Variants in ACYP2 observed in about 807,000 individuals in gnomAD.
ACYP2 encodes the protein acylphosphatase 2.
A neutral mutation model predicts 11.2 loss-of-function variants in ACYP2; 12 were observed. The observed-to-expected ratio is 1.08, with a 90% CI of 0.69 to 1.74. The LOEUF (loss-of-function observed/expected upper bound fraction) is 1.74. Ranked by LOEUF, ACYP2 falls within the 40% of genes most tolerant of loss-of-function variation. The pLI, the probability that ACYP2 is intolerant of heterozygous loss-of-function variation, is 0.00. For synonymous variants in ACYP2, 43 were observed against 32.2 expected, an observed-to-expected ratio of 1.33 and a Z score of -1.13; for missense variants, 134 against 101.9, an observed-to-expected ratio of 1.31 and a Z score of -1.35.
chr2:54,016,781 A>G (rs2112122), intron 2 of ACYP2, among the ~76,000 whole-genome samples: 67,563 of 146,686 alleles, frequency 0.46, 15,577 homozygotes, highest in South Asian at 0.55. Context: ...GCTGGAGTGC[A>G]GTGGCACGAT....
At chr2:54,096,821 T>C (rs1678616920) in intron 4 of ACYP2, among the ~76,000 whole-genome samples, 1 of 63,098 alleles carries the variant, frequency 1.6e-5, no homozygotes, top group South Asian at 1.1e-3. Context: ...AGGGAGACCG[T>C]GGAAAGAGAG....
chr2:53,973,386 G>T (rs1432701418), intron 1 of ACYP2, among the ~76,000 whole-genome samples: 3 of 152,148 alleles, frequency 2.0e-5, no homozygotes, highest in Non-Finnish European at 4.4e-5. Flanking sequence ...CCAGTGACCT[G>T]CATGTATACA....
intron 6 of ACYP2, among the ~76,000 whole-genome samples, chr2:54,273,162 G>C (rs775063598): frequency 3.3e-5 from 5 of 152,150 alleles, no homozygotes; most frequent in Non-Finnish European, 5.9e-5. Flanking sequence ...AATAAATAGA[G>C]TCTGTCCAAA....
intron 1 of ACYP2, among the ~76,000 whole-genome samples, chr2:53,972,604 C>G (rs963763045): frequency 1.3e-5 from 2 of 150,440 alleles, no homozygotes; most frequent in African/African-American, 4.9e-5. Context: ...GAGACTCCGT[C>G]TCAAAAAAAA....
At chr2:54,276,796 T>C (rs913495386) in intron 6 of ACYP2, among the ~76,000 whole-genome samples, 1 of 152,180 alleles carries the variant, frequency 6.6e-6, no homozygotes, top group Non-Finnish European at 1.5e-5. Context: ...AAGCCATTCT[T>C]ATTTCACGGG....
At chr2:54,193,961 A>G (rs1684344147) in intron 6 of ACYP2, among the ~76,000 whole-genome samples, 1 of 152,230 alleles carries the variant, frequency 6.6e-6, no homozygotes. Context: ...TGCTGTGCTT[A>G]AAATATTAAA....
intron 4 of ACYP2, among the ~76,000 whole-genome samples, chr2:54,130,249 C>T (rs1680821267): frequency 6.6e-6 from 1 of 151,906 alleles, no homozygotes; most frequent in South Asian, 2.1e-4. Context: ...TGGGAAGGAG[C>T]CAGTAATGAG....
Position 54,009,152 on chromosome 2 carries a change from C to CA in ACYP2, c.62+35356dup, listed in dbSNP as rs879319275. On this transcript the variant is annotated intron_variant, in intron 2 of 6. Coordinates refer to ENST00000607452, the MANE Select transcript of ACYP2 (RefSeq NM_001320586.2). ...TGGGCAACAGAGCAAGACTCCATCT[C>CA]AAAAAAAAAAAAAATTCAGACAGCA... Among the ~76,000 whole-genome samples the CA allele has an allele frequency of 4.8e-3, 627 of 130,266 alleles. 2 individuals are homozygous for CA. Among genetic ancestry groups the CA allele is most frequent in the African/African-American group, 5.3e-3 (178 of 33,642 alleles). 85.5% of individuals were successfully genotyped at this position (130,266 alleles called of 152,430 possible).
intron 6 of ACYP2, among the ~76,000 whole-genome samples, chr2:54,213,596 G>T (rs1007277965): frequency 3.3e-5 from 5 of 152,058 alleles, no homozygotes; most frequent in African/African-American, 1.2e-4. Context: ...GTTATTTTTT[G>T]ACTTTTTAAT....
At chr2:54,125,421 A>T (rs1168347798) in intron 4 of ACYP2, among the ~76,000 whole-genome samples, 3 of 152,000 alleles carry the variant, frequency 2.0e-5, no homozygotes, top group African/African-American at 7.3e-5. Context: ...TCCCAAAAAT[A>T]TAATCTGGAA....
At chr2:54,108,185 C>T (rs910774885) in intron 4 of ACYP2, among the ~76,000 whole-genome samples, 2 of 152,228 alleles carry the variant, frequency 1.3e-5, no homozygotes, top group African/African-American at 4.8e-5. Flanking sequence ...CTCATACCCT[C>T]CCTCCACATC....
chr2:53,989,277 C>CTTTTT (rs775237196), intron 2 of ACYP2, among the ~76,000 whole-genome samples: 7 of 94,798 alleles, frequency 7.4e-5, no homozygotes, highest in Non-Finnish European at 8.1e-5. Flanking sequence ...GTAGACAATT[C>CTTTTT]TTTTTTTTTT....
intron 6 of ACYP2, among the ~76,000 whole-genome samples, chr2:54,287,212 C>T (rs1689113057): frequency 6.6e-6 from 1 of 151,876 alleles, no homozygotes; most frequent in East Asian, 1.9e-4. Flanking sequence ...GCACCTTGAA[C>T]ACCATTTCCT....
chr2:54,248,307 T>C (rs1232830093), intron 6 of ACYP2, among the ~76,000 whole-genome samples: 1 of 152,188 alleles, frequency 6.6e-6, no homozygotes, highest in Non-Finnish European at 1.5e-5. Flanking sequence ...TAGCCAATTA[T>C]TATTTATTGA....
intron 4 of ACYP2, chr2:54,057,508 G>T (rs940927371): frequency 2.6e-6 from 1 of 386,086 alleles, no homozygotes; most frequent in East Asian, 3.7e-5. Flanking sequence ...TAAAAGAAAC[G>T]AATATTGAGT....
intron 2 of ACYP2, among the ~76,000 whole-genome samples, chr2:54,047,503 A>G (rs1675586390): frequency 6.6e-6 from 1 of 152,206 alleles, no homozygotes; most frequent in African/African-American, 2.4e-5. Flanking sequence ...GGTGCAAATC[A>G]AAAAATATCA....
intron 6 of ACYP2, chr2:54,255,159 G>C (rs1480993605): frequency 6.8e-6 from 11 of 1,614,176 alleles, no homozygotes; most frequent in Non-Finnish European, 9.3e-6. Context: ...CATGGCCCCG[G>C]CGCCACATGA....
chr2:54,123,055 G>A, intron 4 of ACYP2: 1 of 266,080 alleles, frequency 3.8e-6, no homozygotes. Flanking sequence ...TGGGTAACTT[G>A]CTCCCAGCGG....
chr2:54,089,450 ACAAATT>A (rs1678107876), intron 4 of ACYP2, among the ~76,000 whole-genome samples: 1 of 152,172 alleles, frequency 6.6e-6, no homozygotes, highest in Non-Finnish European at 1.5e-5. Flanking sequence ...TTTTCAACAT[ACAAATT>A]GTATTTTATG....
Sources: allele counts gnomAD v4.1 joint callset (sites outside exome capture counted in the v4.1 genomes callset), GRCh38; gene constraint gnomAD v4.1.1; transcripts MANE v1.5; gene names NCBI Gene and HGNC (gene_info 2026-07-23, HGNC 2026-07-21).